The following TTC29 variants were observed in gnomAD, a reference collection of about 807,000 sequenced individuals.
TTC29 encodes tetratricopeptide repeat protein 29.
TTC29 carries 49 observed loss-of-function variants against 58.1 expected under a neutral mutation model. That is an observed-to-expected ratio of 0.84 (90% CI 0.67 to 1.07). The LOEUF is 1.07. Among genes scored for constraint, TTC29 ranks in the 50% least tolerant of loss-of-function variants. TTC29 has a pLI of 0.00. For missense variants in TTC29, 582 were observed against 555.6 expected, an observed-to-expected ratio of 1.05 and a Z score of -0.48; for synonymous variants, 209 against 196.8, an observed-to-expected ratio of 1.06 and a Z score of -0.52.
chr4:146,832,628 T>C (rs956774587), intron 9 of TTC29, among the ~76,000 whole-genome samples: 1 of 151,668 alleles, frequency 6.6e-6, no homozygotes, highest in Admixed American at 6.6e-5. Context: ...CCCTCCTCCA[T>C]GGCCAACTAA....
intron 11 of TTC29, among the ~76,000 whole-genome samples, chr4:146,750,767 T>G (rs1429999238): frequency 1.3e-5 from 2 of 152,026 alleles, no homozygotes; most frequent in Non-Finnish European, 2.9e-5. Context: ...TACAGAAAAC[T>G]ATCAAATCAC....
intron 8 of TTC29, among the ~76,000 whole-genome samples, chr4:146,867,105 T>C (rs1352790751): frequency 1.3e-5 from 2 of 152,202 alleles, no homozygotes; most frequent in Non-Finnish European, 2.9e-5. Context: ...GCTTTATAAC[T>C]GCATTTCTGT....
chr4:146,818,922 T>C (rs1751625674), intron 10 of TTC29, among the ~76,000 whole-genome samples: 1 of 148,398 alleles, frequency 6.7e-6, no homozygotes, highest in Admixed American at 6.7e-5. Context: ...CATCACACTC[T>C]GGGGACTGTT....
intron 11 of TTC29, among the ~76,000 whole-genome samples, chr4:146,739,769 T>A (rs1267699473): frequency 6.6e-6 from 1 of 152,196 alleles, no homozygotes; most frequent in Non-Finnish European, 1.5e-5. Flanking sequence ...AGTGCCCTTC[T>A]GTATCTTATT....
rs377210729 is a variant in TTC29, at chr4:146,904,431, T to C, written c.401-702A>G. 3.4e-4 allele frequency among the ~76,000 whole-genome samples: 52 copies of C among 152,288 alleles called. No homozygotes were observed. The Middle Eastern group carries it at 0.017, about 50-fold the overall frequency. On this transcript the variant is annotated intron_variant, in intron 5 of 12. Coordinates refer to ENST00000325106, the MANE Select transcript of TTC29 (RefSeq NM_031956.4). ...TCTTAATTAAACTCTTGTAGGTTTTTTTTCCTAAAGGGTATCTAACCTATA... is the reference window on the plus strand; with the variant it reads ...TCTTAATTAAACTCTTGTAGGTTTTCTTTCCTAAAGGGTATCTAACCTATA...
chr4:146,816,249 A>C (rs1308132453), intron 10 of TTC29, among the ~76,000 whole-genome samples: 1 of 152,220 alleles, frequency 6.6e-6, no homozygotes, highest in African/African-American at 2.4e-5. Context: ...ATCATACTGC[A>C]TATATTCATA....
At chr4:146,880,947 AC>A (rs1375875319) in intron 6 of TTC29, among the ~76,000 whole-genome samples, 1 of 152,130 alleles carries the variant, frequency 6.6e-6, no homozygotes, top group Non-Finnish European at 1.5e-5. Flanking sequence ...GGGGAGGGAA[AC>A]AAAAAAAGAA....
Position 146,939,785 on chromosome 4 carries a change from A to G in TTC29, c.92+19T>C. On this transcript the variant is annotated intron_variant, in intron 3 of 12. Coordinates refer to ENST00000325106, the MANE Select transcript of TTC29 (RefSeq NM_031956.4). ...AAATTCCTTCTGTAGGAAAATAAGT[A>G]AAAACCAGGGGCACGTACCTTGGAA... The G allele has an allele frequency of 6.3e-7, 1 of 1,591,548 alleles. No individual in the cohort carries two copies.
intron 6 of TTC29, among the ~76,000 whole-genome samples, chr4:146,880,139 A>T (rs1731528885): frequency 6.6e-6 from 1 of 151,686 alleles, no homozygotes; most frequent in Non-Finnish European, 1.5e-5. Context: ...TGCCCTCCAC[A>T]AATACCCTTA....
chr4:146,910,661 G>T (rs1347161255), intron 4 of TTC29, among the ~76,000 whole-genome samples: 1 of 152,156 alleles, frequency 6.6e-6, no homozygotes, highest in Non-Finnish European at 1.5e-5. Context: ...GACATGACGA[G>T]ACTGCATTTT....
At chr4:146,811,481 G>A (rs1264992032) in intron 10 of TTC29, among the ~76,000 whole-genome samples, 1 of 151,862 alleles carries the variant, frequency 6.6e-6, no homozygotes, top group Non-Finnish European at 1.5e-5. Flanking sequence ...TAACCCTTTA[G>A]GCTCCACCAT....
intron 11 of TTC29, among the ~76,000 whole-genome samples, chr4:146,746,069 G>A (rs1745522398): frequency 6.6e-6 from 1 of 152,202 alleles, no homozygotes; most frequent in African/African-American, 2.4e-5. Flanking sequence ...GATTGATGTT[G>A]AGAAAGAAGC....
chr4:146,906,248 AC>A (rs1295859185), intron 5 of TTC29, among the ~76,000 whole-genome samples: 2 of 152,158 alleles, frequency 1.3e-5, no homozygotes, highest in South Asian at 2.1e-4. Context: ...CTTTAAACAC[AC>A]CTTTGCTATA....
intron 4 of TTC29, among the ~76,000 whole-genome samples, chr4:146,930,745 C>T (rs562504568): frequency 2.0e-5 from 3 of 152,144 alleles, no homozygotes; most frequent in Admixed American, 6.6e-5. Flanking sequence ...AACCATCTTG[C>T]CCCATACATT....
chr4:146,874,137 A>G (rs549182078), intron 7 of TTC29, among the ~76,000 whole-genome samples: 2 of 152,298 alleles, frequency 1.3e-5, no homozygotes, highest in South Asian at 4.1e-4. Flanking sequence ...GTGCATATAC[A>G]TCACCTGGGT....
chr4:146,916,543 G>A (rs1399555619), intron 4 of TTC29, among the ~76,000 whole-genome samples: 3 of 151,602 alleles, frequency 2.0e-5, no homozygotes, highest in Non-Finnish European at 4.4e-5. Flanking sequence ...AGATTAGTGA[G>A]TTAAGATTTT....
intron 7 of TTC29, among the ~76,000 whole-genome samples, chr4:146,869,760 A>T (rs959929410): frequency 3.3e-5 from 5 of 152,278 alleles, no homozygotes; most frequent in Admixed American, 3.3e-4. Flanking sequence ...CTACTGATAC[A>T]GTTTGGAAAC....
At chr4:146,884,099 T>C (rs1731816662) in intron 6 of TTC29, among the ~76,000 whole-genome samples, 1 of 152,102 alleles carries the variant, frequency 6.6e-6, no homozygotes, top group Admixed American at 6.6e-5. Context: ...TTAAATACTA[T>C]AAGGTCTTAT....
intron 10 of TTC29, among the ~76,000 whole-genome samples, chr4:146,809,671 C>G (rs1355213634): frequency 1.3e-5 from 2 of 149,930 alleles, no homozygotes; most frequent in Non-Finnish European, 3.0e-5. Context: ...AAAAGCTCAT[C>G]ATTACTGGCC....
Sources: allele counts gnomAD v4.1 joint callset (sites outside exome capture counted in the v4.1 genomes callset), GRCh38; gene constraint gnomAD v4.1.1; transcripts MANE v1.5; gene names NCBI Gene and HGNC (gene_info 2026-07-23, HGNC 2026-07-21).